CHD7: variants seen among roughly 807,000 people sequenced by gnomAD.
CHD7 encodes the protein chromodomain helicase DNA binding protein 7, also known as ATP-dependent chromatin remodeler CHD7.
Under a neutral mutation model 307.3 loss-of-function variants are expected in CHD7, and 24 were observed. The observed-to-expected ratio is 0.08, with a 90% CI of 0.06 to 0.11. The LOEUF (loss-of-function observed/expected upper bound fraction) is 0.11, where lower values mean the gene tolerates loss of function less well. CHD7 is among the 10% of genes least tolerant of loss of function. The pLI, the probability that CHD7 is intolerant of heterozygous loss-of-function variation, is 1.00. For missense variants in CHD7, 3,106 were observed against 3,727.1 expected (o/e 0.83, Z 4.34); for synonymous variants, 1,363 against 1,349.9 (o/e 1.01, Z -0.21).
intron 37 of CHD7, chr8:60,864,631 T>A (rs1382474076): frequency 4.5e-6 from 1 of 219,848 alleles, no homozygotes; most frequent in Non-Finnish European, 9.2e-6. Context: ...TTAGTTATTT[T>A]AAAATATACA....
chr8:60,852,228 A>T lies in CHD7; in HGVS notation c.5875A>T (p.Ile1959Leu). Reference sequence around the variant, plus strand: ...TCTGGAAGCGGAAAGGGAAGCTATTATATCTGAGAAGCGGCAAAAGTGAGT... The same window carrying T: ...TCTGGAAGCGGAAAGGGAAGCTATTTTATCTGAGAAGCGGCAAAAGTGAGT... ...RALEAEREAI[I>L]SEKRQKWTRR... The change falls in exon 29 of 38, where the codon ATA becomes TTA. Residue 1959 changes from isoleucine (I) to leucine (L), a missense_variant. Ile to Leu is a conservative substitution (Grantham distance 5). Around this residue, in one of 10 missense-constraint regions of CHD7, gnomAD observed 1,030 missense variants for 1,165.4 expected, o/e 0.88. Transcript: ENST00000423902. 3.1e-6 allele frequency: 5 copies of T among 1,613,064 alleles called. No homozygotes were observed. Among genetic ancestry groups the T allele is most frequent in the Non-Finnish European group, 4.2e-6 (5 of 1,179,594 alleles).
intron 9 of CHD7, 34 bp from the exon 10 acceptor site, chr8:60,821,756 G>T (rs1264606097): frequency 6.5e-7 from 1 of 1,543,796 alleles, no homozygotes; most frequent in East Asian, 2.5e-5. Flanking sequence ...GTGGTCAAAT[G>T]AATCCAATTC....
intron 3 of CHD7, among the ~76,000 whole-genome samples, chr8:60,784,815 C>G (rs1224775122): frequency 1.3e-5 from 2 of 152,150 alleles, no homozygotes; most frequent in African/African-American, 4.8e-5. Flanking sequence ...AAAAGATGTT[C>G]AGCATCACAG....
rs1307168489 is a variant in CHD7, at chr8:60,867,376, G to A, written c.*1443G>A. On this transcript the variant is annotated 3_prime_UTR_variant, in exon 38 of 38. Coordinates refer to ENST00000423902, the MANE Select transcript of CHD7 (RefSeq NM_017780.4). ...GACCAGCGCTCGATGCCAGAAACCA[G>A]TGTGTGGAAAAACCCATGTGGAATT... is the stretch of plus-strand genomic sequence containing the variant. The A allele has an allele frequency of 6.6e-6, 1 of 152,260 alleles. No individual in the cohort carries two copies. Among genetic ancestry groups the A allele is most frequent in the Admixed American group, 6.5e-5 (1 of 15,284 alleles). The allele number at this position is 152,260 out of a possible 1,614,324, so 9.4% of individuals were successfully genotyped here. A position where few individuals can be genotyped will look rare whatever the true frequency, so the allele number is the denominator to read the frequency against.
intron 1 of CHD7, among the ~76,000 whole-genome samples, chr8:60,722,762 A>G (rs1807975152): frequency 6.6e-6 from 1 of 152,200 alleles, no homozygotes; most frequent in South Asian, 2.1e-4. Context: ...CTACTTCTGC[A>G]TTCAGTCTGT....
rs4738834 is a variant in CHD7 at position 60,867,122 on chromosome 8, A to C, written c.*1189A>C. 0.47 allele frequency: 71,260 copies of C among 152,080 alleles called. 20,139 individuals carry two copies. Among genetic ancestry groups the C allele is most frequent in the East Asian group, 0.75 (3,893 of 5,176 alleles). 9.4% of individuals were successfully genotyped at this position (152,080 alleles called of 1,614,324 possible). On this transcript the variant is annotated 3_prime_UTR_variant, in exon 38 of 38. Transcript: ENST00000423902. ...AATTCCACTCCAGATATCTCAACAG[A>C]AATGCATACAAAAAGCTCCTATTAC...
chr8:60,731,384 T>C (rs1808450317), intron 1 of CHD7, among the ~76,000 whole-genome samples: 1 of 152,192 alleles, frequency 6.6e-6, no homozygotes, highest in African/African-American at 2.4e-5. Context: ...TCACAGTGCC[T>C]GATAAATGCT....
Position 60,742,931 on chromosome 8 carries a change from A to G in CHD7, c.1499A>G (p.Gln500Arg), listed in dbSNP as rs1465792260. 5.6e-6 allele frequency: 9 copies of G among 1,613,284 alleles called. No homozygotes were observed. Among genetic ancestry groups the G allele is most frequent in the Non-Finnish European group, 7.6e-6 (9 of 1,179,560 alleles). Residue 500 changes from glutamine (Q) to arginine (R), a missense_variant, in exon 2 of 38, where the codon CAA becomes CGA. Physicochemically the swap from Gln to Arg is conservative, Grantham distance 43. Around this residue, in one of 10 missense-constraint regions of CHD7, gnomAD observed 998 missense variants for 1,004.5 expected, o/e 0.99. Transcript: ENST00000423902. Reference sequence around the variant, plus strand: ...CAGGAACGACTGATACCTGGCCAACAACATCCTGGTCAACAGCCATCTTTT... The same window carrying G: ...CAGGAACGACTGATACCTGGCCAACGACATCCTGGTCAACAGCCATCTTTT... ...AIQERLIPGQ[Q>R]HPGQQPSFQQ...
Position 60,742,329 on chromosome 8 carries a change from C to A in CHD7, c.897C>A (p.Val299=). ...ACTTTAGTTCTCGGAGCCAGACAGT[C>A]CCCTCTCCTACTATAAACAACTCAG... ...TLNFSSRSQT[V]PSPTINNSGQ... The change falls in exon 2 of 38, where the codon GTC becomes GTA. Residue 299 remains valine, a synonymous_variant. Transcript: ENST00000423902. 1 of 1,613,962 alleles carries A rather than the reference C, an allele frequency of 6.2e-7. No individual in the cohort carries two copies. Among genetic ancestry groups the A allele is most frequent in the Non-Finnish European group, 8.5e-7 (1 of 1,179,884 alleles).
At chr8:60,726,645 C>A (rs1006840018) in intron 1 of CHD7, among the ~76,000 whole-genome samples, 28 of 152,178 alleles carry the variant, frequency 1.8e-4, no homozygotes. Context: ...ATGTATTTGA[C>A]AAATGAGAAA....
intron 3 of CHD7, among the ~76,000 whole-genome samples, chr8:60,791,629 C>T (rs890526987): frequency 6.6e-6 from 1 of 152,148 alleles, no homozygotes; most frequent in Non-Finnish European, 1.5e-5. Context: ...GATAACTATG[C>T]ATGTGGACTC....
chr8:60,736,552 C>T (rs1808725311), intron 1 of CHD7, among the ~76,000 whole-genome samples: 2 of 152,042 alleles, frequency 1.3e-5, no homozygotes, highest in South Asian at 2.1e-4. Flanking sequence ...CATGCTCCAC[C>T]CTCATCCCCA....
At chr8:60,787,704 G>A (rs1365309919) in intron 3 of CHD7, among the ~76,000 whole-genome samples, 1 of 152,126 alleles carries the variant, frequency 6.6e-6, no homozygotes, top group Non-Finnish European at 1.5e-5. Context: ...CATAGCCAAA[G>A]TGTTAATGTC....
At chr8:60,753,299 G>A (rs1809728583) in intron 2 of CHD7, among the ~76,000 whole-genome samples, 1 of 152,122 alleles carries the variant, frequency 6.6e-6, no homozygotes, top group Non-Finnish European at 1.5e-5. Context: ...AGGCGCTGTG[G>A]GAACCCCTGT....
rs545545721 is a variant in CHD7, at chr8:60,844,907, C to T, written c.4894C>T (p.Arg1632Cys). Residue 1632 changes from arginine (R) to cysteine (C), a missense_variant, in exon 22 of 38, where the codon CGC becomes TGC. This residue lies in a region of CHD7 where 122 missense variants were observed against 124.5 expected (regional missense o/e 0.98). Coordinates refer to ENST00000423902, the MANE Select transcript of CHD7 (RefSeq NM_017780.4). ...TDILSHGRYK[R>C]QLTEQDVETI... ...CATTCTTTCCCACGGACGCTATAAA[C>T]GCCAACTCACTGAGCAAGATGTAGA... The T allele has an allele frequency of 5.4e-5, 87 of 1,612,296 alleles. No individual in the cohort carries two copies. The highest frequency in any genetic ancestry group is 3.3e-4 in the Middle Eastern group (2 of 6,054).
In CHD7 at chr8:60,742,637, T is replaced by C. The variant is rs775931738; in HGVS notation, c.1205T>C (p.Met402Thr). ...SPPPMSPMKA[M>T]SNPAGTPPPQ... The stretch of plus-strand genomic sequence containing the variant: ...CCTCCCATGTCACCCATGAAAGCAA[T>C]GAGTAATCCAGCAGGCACTCCTCCT... The change falls in exon 2 of 38, where the codon ATG (methionine) becomes ACG (threonine). Residue 402 changes from methionine to threonine, a missense_variant. Met to Thr is a moderately conservative substitution (Grantham distance 81, BLOSUM62 -1). This residue lies in a region of CHD7 where 998 missense variants were observed against 1,004.5 expected (regional missense o/e 0.99). Transcript: ENST00000423902. 1.2e-6 allele frequency: 2 copies of C among 1,611,646 alleles called. No individual in the cohort carries two copies. Among genetic ancestry groups the C allele is most frequent in the Admixed American group, 1.7e-5 (1 of 59,970 alleles).
At chr8:60,723,248 T>C (rs1057254690) in intron 1 of CHD7, among the ~76,000 whole-genome samples, 63 of 152,372 alleles carry the variant, frequency 4.1e-4, no homozygotes, top group African/African-American at 1.4e-3. Context: ...TATTTTATCA[T>C]TGGCAACAAA....
At chr8:60,818,767 C>G (rs765777306) in intron 8 of CHD7, among the ~76,000 whole-genome samples, 2 of 152,222 alleles carry the variant, frequency 1.3e-5, no homozygotes, top group Non-Finnish European at 2.9e-5. Flanking sequence ...AACTGCTTAT[C>G]TTTTCCACCT....
intron 2 of CHD7, among the ~76,000 whole-genome samples, chr8:60,777,185 G>A (rs1810992314): frequency 6.6e-6 from 1 of 152,122 alleles, no homozygotes; most frequent in Non-Finnish European, 1.5e-5. Flanking sequence ...TTCCTATAAA[G>A]CATTGTTTTG....
Sources: gnomAD v4.1 joint callset for allele counts (sites outside exome capture counted in the v4.1 genomes callset) on GRCh38, gnomAD v4.1.1 for gene constraint, gnomAD v4.1.1 regional missense constraint, MANE v1.5 for transcripts, NCBI Gene and HGNC (gene_info 2026-07-23, HGNC 2026-07-21) for gene names.